The following DBF4B variants were observed in gnomAD, a reference collection of about 807,000 sequenced individuals.
The protein encoded by DBF4B is protein DBF4 homolog B.
Under a neutral mutation model 53.4 loss-of-function variants are expected in DBF4B, and 49 were observed. That is an observed-to-expected ratio of 0.92 (90% CI 0.73 to 1.16). The LOEUF (loss-of-function observed/expected upper bound fraction) is 1.16, where lower values mean the gene tolerates loss of function less well. Ranked by LOEUF, DBF4B falls within the 50% of genes most tolerant of loss-of-function variation. The pLI is 0.00. For synonymous variants in DBF4B, 257 were observed against 288.7 expected, an observed-to-expected ratio of 0.89 and a Z score of 1.11; for missense variants, 692 against 775.0, an observed-to-expected ratio of 0.89 and a Z score of 1.27.
intron 10 of DBF4B, among the ~76,000 whole-genome samples, chr17:44,742,732 G>C (rs765803857): frequency 6.0e-4 from 91 of 152,164 alleles, no homozygotes; most frequent in Non-Finnish European, 1.8e-4. Context: ...GGGGCGGGGC[G>C]GGGGAGAAGA....
At chr17:44,713,621 C>A (rs762122779) in intron 2 of DBF4B, among the ~76,000 whole-genome samples, 3 of 152,088 alleles carry the variant, frequency 2.0e-5, no homozygotes, top group Non-Finnish European at 4.4e-5. Flanking sequence ...TGCACTCCAG[C>A]TTGGGCGACA....
At position 44,732,280 on chromosome 17, in the gene DBF4B, C is replaced by T. The variant is rs765873989; in HGVS notation, c.556+15C>T. On this transcript the variant is annotated intron_variant, in intron 6 of 13. Transcript: ENST00000315005. The stretch of plus-strand genomic sequence containing the variant: ...GCACGTGGATGGTACCCTTTCTGTG[C>T]TGGGCTCCTGTGGAGGGAGAATTGG... 8 of 1,613,402 alleles carry T rather than the reference C, an allele frequency of 5.0e-6. No homozygotes were observed. In the Admixed American group the frequency reaches 8.3e-5, roughly 17 times the overall value.
chr17:44,749,037 A>T lies in DBF4B; in HGVS notation c.1189+572A>T. The T allele has an allele frequency of 7.8e-7, 1 of 1,289,806 alleles. No homozygotes were observed. The highest frequency in any genetic ancestry group is 2.1e-4 in the Middle Eastern group (1 of 4,692). 79.9% of individuals were successfully genotyped at this position (1,289,806 alleles called of 1,614,324 possible). On this transcript the variant is annotated intron_variant, in intron 13 of 13. Coordinates refer to ENST00000315005, the MANE Select transcript of DBF4B (RefSeq NM_145663.3). This position sits in a 1 kb window ranked among gnomAD's most constrained non-coding sequence, Gnocchi z 4.4. The stretch of plus-strand genomic sequence containing the variant: ...CTGAGTGTACAGCCACTGGCCCTGT[A>T]TCCCAGGAGGCTGGCCAGCTCCTCA...
rs11079330 is a variant in DBF4B at position 44,719,687 on chromosome 17, A to G, written c.83-3193A>G. ...TATACCACATTTTGTTTATCCATTCATCAAATGGACATATGAGTTTCCACT... is the reference window on the plus strand; with the variant it reads ...TATACCACATTTTGTTTATCCATTCGTCAAATGGACATATGAGTTTCCACT... On this transcript the variant is annotated intron_variant, in intron 2 of 13. Transcript: ENST00000315005. 4.7e-4 allele frequency: 74 copies of G among 157,020 alleles called. 1 individual carries two copies. In the East Asian group the frequency reaches 0.01, roughly 21 times the overall value. The allele number at this position is 157,020 out of a possible 1,614,324, so 9.7% of individuals were successfully genotyped here. A position where few individuals can be genotyped will look rare whatever the true frequency, so the allele number is the denominator to read the frequency against.
chr17:44,710,739 T>G (rs989672478), intron 2 of DBF4B, among the ~76,000 whole-genome samples: 6 of 151,852 alleles, frequency 4.0e-5, no homozygotes, highest in Admixed American at 2.0e-4. Context: ...CTAATTTTTT[T>G]TTGTTGTTTG....
At position 44,752,191 on chromosome 17, in the gene DBF4B, C is replaced by T. The variant is rs544992119; in HGVS notation, c.*938C>T. On this transcript the variant is annotated 3_prime_UTR_variant, in exon 14 of 14. Coordinates refer to ENST00000315005, the MANE Select transcript of DBF4B (RefSeq NM_145663.3). ...GCCTTTATTACTCGGGCCTCAGTTT[C>T]CTCGTCTTTAAGTAAGGGGCTTGGA... The T allele has an allele frequency of 1.4e-5, 8 of 575,454 alleles. No individual in the cohort carries two copies. In the South Asian group the frequency reaches 1.4e-4, roughly 10 times the overall value. The allele number at this position is 575,454 out of a possible 1,614,324, so 35.6% of individuals were successfully genotyped here.
intron 2 of DBF4B, among the ~76,000 whole-genome samples, chr17:44,711,093 C>G (rs1429236798): frequency 2.1e-5 from 3 of 142,798 alleles, no homozygotes; most frequent in Non-Finnish European, 4.5e-5. Context: ...TCAAGCAATT[C>G]TTTTGCCTCA....
At chr17:44,743,541 G>A (rs1976280640) in intron 10 of DBF4B, among the ~76,000 whole-genome samples, 1 of 151,654 alleles carries the variant, frequency 6.6e-6, no homozygotes, top group East Asian at 1.9e-4. Flanking sequence ...CAAATGGAGA[G>A]TGCAGCCTGG....
At chr17:44,730,743 G>T (rs1330311688) in intron 4 of DBF4B, among the ~76,000 whole-genome samples, 1 of 152,114 alleles carries the variant, frequency 6.6e-6, no homozygotes, top group Non-Finnish European at 1.5e-5. Flanking sequence ...TCTCCACCAG[G>T]TTCAGGCTGC....
At chr17:44,716,934 C>T (rs1359592356) in intron 2 of DBF4B, among the ~76,000 whole-genome samples, 1 of 152,132 alleles carries the variant, frequency 6.6e-6, no homozygotes. Flanking sequence ...TAATTTCCAG[C>T]GTCCAACATT....
chr17:44,726,734 T>C (rs898816442), intron 3 of DBF4B, among the ~76,000 whole-genome samples: 5 of 152,188 alleles, frequency 3.3e-5, no homozygotes, highest in Non-Finnish European at 7.3e-5. Flanking sequence ...TCTTAATAAT[T>C]TTTAGCATTT....
chr17:44,738,573 A>C (rs147450706), intron 9 of DBF4B, 149 bp downstream of exon 9: 5 of 760,702 alleles, frequency 6.6e-6, no homozygotes, highest in Non-Finnish European at 8.2e-6. Context: ...ACTTTCTCCC[A>C]TTGTCATGGA....
At chr17:44,748,893 A>T in intron 13 of DBF4B, 1 of 1,290,094 alleles carries the variant, frequency 7.8e-7, no homozygotes, top group Non-Finnish European at 1.0e-6. Context: ...TGTGCCACTC[A>T]CAGACCTGCC....
chr17:44,742,910 C>A (rs1387421134), intron 10 of DBF4B, among the ~76,000 whole-genome samples: 1 of 152,098 alleles, frequency 6.6e-6, no homozygotes, highest in Non-Finnish European at 1.5e-5. Context: ...GGGTTATAGA[C>A]CAGGAGAGAA....
In DBF4B at chr17:44,708,719, A is replaced by G. The variant is rs762677768; in HGVS notation, c.-102A>G. ...AGATTGATGCTGTAGCTGCCCTGAG[A>G]TAACCAGGACTGTGGAATCGGGAAG... On this transcript the variant is annotated 5_prime_UTR_variant, in exon 1 of 14. Transcript: ENST00000315005. The G allele has an allele frequency of 2.9e-6, 4 of 1,392,620 alleles. No individual in the cohort carries two copies. The highest frequency in any genetic ancestry group is 5.2e-5 in the Admixed American group (2 of 38,638). 86.3% of individuals were successfully genotyped at this position (1,392,620 alleles called of 1,614,324 possible). A position where few individuals can be genotyped will look rare whatever the true frequency, so the allele number is the denominator to read the frequency against.
intron 2 of DBF4B, among the ~76,000 whole-genome samples, chr17:44,722,361 T>C (rs1973927031): frequency 6.6e-6 from 1 of 152,166 alleles, no homozygotes; most frequent in African/African-American, 2.4e-5. Flanking sequence ...CACTGTCCCC[T>C]TTTCCTCTTA....
intron 2 of DBF4B, among the ~76,000 whole-genome samples, chr17:44,713,169 C>G (rs1440522957): frequency 1.3e-5 from 2 of 148,844 alleles, no homozygotes; most frequent in Non-Finnish European, 3.0e-5. Flanking sequence ...CCTCTGGAGT[C>G]GCTGGGACTA....
chr17:44,715,812 C>CTTTTTTTTTTTTTTTT (rs869200833), intron 2 of DBF4B, among the ~76,000 whole-genome samples: 10 of 55,514 alleles, frequency 1.8e-4, no homozygotes, highest in East Asian at 1.4e-3. Flanking sequence ...TTCTTTCTTT[C>CTTTTTTTTTTTTTTTT]TTTTTTTTTT....
At chr17:44,747,655 C>T in intron 12 of DBF4B, 140 bp downstream of exon 12, 2 of 1,224,104 alleles carry the variant, frequency 1.6e-6, no homozygotes, top group Non-Finnish European at 2.2e-6. Flanking sequence ...TCCCCTTATC[C>T]TCAGTCCTGT....
Sources: allele counts gnomAD v4.1 joint callset (sites outside exome capture counted in the v4.1 genomes callset), GRCh38; gene constraint gnomAD v4.1.1; non-coding constraint Gnocchi (gnomAD v3.1); transcripts MANE v1.5; gene names NCBI Gene and HGNC (gene_info 2026-07-23, HGNC 2026-07-21).